Variants in LRRC7 observed in about 807,000 individuals in gnomAD.
LRRC7 encodes the protein leucine rich repeat containing 7.
Under a neutral mutation model 175.7 loss-of-function variants are expected in LRRC7, and 23 were observed. That is an observed-to-expected ratio of 0.13 (90% CI 0.09 to 0.19). The LOEUF is 0.19. LRRC7 is among the 10% of genes least tolerant of loss of function. The probability of loss-of-function intolerance (pLI) is 1.00; values close to 1 mark genes in which losing one functional copy is unlikely to be tolerated. For synonymous variants in LRRC7, 685 were observed against 680.9 expected, an observed-to-expected ratio of 1.01 and a Z score of -0.09; for missense variants, 1,354 against 1,904.7, an observed-to-expected ratio of 0.71 and a Z score of 5.38.
chr1:69,944,221 G>A (rs1649059526), intron 8 of LRRC7, among the ~76,000 whole-genome samples: 1 of 151,986 alleles, frequency 6.6e-6, no homozygotes, highest in African/African-American at 2.4e-5. Flanking sequence ...GCAGAATCAT[G>A]CAGTATTTAC....
chr1:69,608,803 G>A (rs1557476942), intron 1 of LRRC7, among the ~76,000 whole-genome samples: 1 of 93,166 alleles, frequency 1.1e-5, no homozygotes, highest in Non-Finnish European at 2.1e-5. Flanking sequence ...CCTATAAGTT[G>A]CTCTGTCTGT....
At chr1:69,603,254 A>G (rs908150347) in intron 1 of LRRC7, among the ~76,000 whole-genome samples, 1 of 152,188 alleles carries the variant, frequency 6.6e-6, no homozygotes, top group Non-Finnish European at 1.5e-5. Flanking sequence ...CAGATACCAG[A>G]AGTTAGGACT....
chr1:70,061,171 C>T (rs149895054), intron 23 of LRRC7, among the ~76,000 whole-genome samples: 8 of 152,186 alleles, frequency 5.3e-5, no homozygotes, highest in African/African-American at 1.7e-4. Flanking sequence ...TTTTCTCCTC[C>T]GAGAGTAGCA....
At chr1:69,927,880 C>T (rs530443678) in intron 7 of LRRC7, among the ~76,000 whole-genome samples, 22 of 152,162 alleles carry the variant, frequency 1.4e-4, no homozygotes, top group Admixed American at 3.3e-4. Flanking sequence ...GGAGGAGAGG[C>T]GCTCTGCTTT....
At chr1:69,570,227 A>G (rs1376120105) in intron 1 of LRRC7, among the ~76,000 whole-genome samples, 1 of 152,126 alleles carries the variant, frequency 6.6e-6, no homozygotes, top group Non-Finnish European at 1.5e-5. Context: ...GGTGAGATAC[A>G]GTATTAGGAA....
chr1:69,579,813 T>TC (rs71071366), intron 1 of LRRC7, among the ~76,000 whole-genome samples: 3 of 146,392 alleles, frequency 2.0e-5, no homozygotes, highest in Non-Finnish European at 4.5e-5. Flanking sequence ...TTTTTTTTTT[T>TC]GGTAGAGCCA....
At chr1:69,980,291 A>C (rs1653285962) in intron 8 of LRRC7, 88 bp from the exon 9 acceptor site, 1 of 1,130,974 alleles carries the variant, frequency 8.8e-7, no homozygotes, top group South Asian at 1.3e-5. Context: ...AAAGCTCAAG[A>C]TCCAAGAAAT....
chr1:69,911,707 G>T (rs957469382), intron 7 of LRRC7, among the ~76,000 whole-genome samples: 2 of 152,176 alleles, frequency 1.3e-5, no homozygotes, highest in African/African-American at 4.8e-5. Flanking sequence ...ATGCAGGGCA[G>T]GTTCTGCTGG....
At chr1:69,766,177 C>A (rs1319128718) in intron 3 of LRRC7, among the ~76,000 whole-genome samples, 2 of 152,068 alleles carry the variant, frequency 1.3e-5, no homozygotes, top group Admixed American at 1.3e-4. Context: ...GTCATGACAA[C>A]TTCGCATACA....
chr1:69,576,847 G>C (rs1307850489), intron 1 of LRRC7, among the ~76,000 whole-genome samples: 1 of 152,116 alleles, frequency 6.6e-6, no homozygotes, highest in East Asian at 1.9e-4. Context: ...GACAAAATCT[G>C]AATGTCCTAA....
At chr1:69,882,151 G>C (rs2101615262) in intron 7 of LRRC7, among the ~76,000 whole-genome samples, 1 of 152,036 alleles carries the variant, frequency 6.6e-6, no homozygotes, top group South Asian at 2.1e-4. Flanking sequence ...TAATCATCAG[G>C]AAAATGCAAA....
intron 1 of LRRC7, among the ~76,000 whole-genome samples, chr1:69,598,879 T>C (rs1244659809): frequency 2.0e-5 from 3 of 152,206 alleles, no homozygotes; most frequent in African/African-American, 7.2e-5. Flanking sequence ...ATTATTCACT[T>C]TGTTCCCATT....
At chr1:69,910,064 G>A (rs535579714) in intron 7 of LRRC7, among the ~76,000 whole-genome samples, 157 of 151,982 alleles carry the variant, frequency 1.0e-3, no homozygotes, top group South Asian at 2.3e-3. Context: ...TGATCGCATC[G>A]GCTCCTGAGG....
intron 7 of LRRC7, among the ~76,000 whole-genome samples, chr1:69,914,712 A>G (rs972098476): frequency 7.9e-5 from 12 of 152,192 alleles, no homozygotes; most frequent in African/African-American, 2.9e-4. Context: ...GAACAGGTAT[A>G]GAATAGGGTT....
intron 2 of LRRC7, among the ~76,000 whole-genome samples, chr1:69,723,765 A>G (rs1054271451): frequency 9.2e-5 from 14 of 152,174 alleles, no homozygotes; most frequent in African/African-American, 2.9e-4. Context: ...TCAGTGTCTA[A>G]TGAGGTCCCC....
intron 7 of LRRC7, chr1:69,919,726 C>T (rs1646826131): frequency 9.7e-7 from 1 of 1,028,724 alleles, no homozygotes; most frequent in Non-Finnish European, 1.5e-6. Flanking sequence ...GTGCCTTCAG[C>T]AAAGGTCAGA....
chr1:69,911,258 A>C (rs2101703015), intron 7 of LRRC7, among the ~76,000 whole-genome samples: 1 of 152,306 alleles, frequency 6.6e-6, no homozygotes, highest in African/African-American at 2.4e-5. Flanking sequence ...AGTACCTCAG[A>C]TGGAAATGCA....
At chr1:69,591,431 G>A (rs760820534) in intron 1 of LRRC7, among the ~76,000 whole-genome samples, 2 of 151,974 alleles carry the variant, frequency 1.3e-5, no homozygotes, top group African/African-American at 2.4e-5. Flanking sequence ...TAGATGTCAA[G>A]AGGAAAAATC....
chr1:69,703,951 AG>A (rs1169057707), intron 2 of LRRC7, among the ~76,000 whole-genome samples: 1 of 151,992 alleles, frequency 6.6e-6, no homozygotes, highest in East Asian at 1.9e-4. Context: ...TCTTATTTAT[AG>A]GTGTTCTAGG....
Sources: gnomAD v4.1 joint callset for allele counts (sites outside exome capture counted in the v4.1 genomes callset) on GRCh38, gnomAD v4.1.1 for gene constraint, MANE v1.5 for transcripts, NCBI Gene and HGNC (gene_info 2026-07-23, HGNC 2026-07-21) for gene names.